Variants in RORA observed in about 807,000 individuals in gnomAD.
RORA encodes nuclear receptor ROR-alpha.
Under a neutral mutation model 69.5 loss-of-function variants are expected in RORA, and 7 were observed. That is an observed-to-expected ratio of 0.10 (90% CI 0.06 to 0.19). The LOEUF (loss-of-function observed/expected upper bound fraction) is 0.19, where lower values mean the gene tolerates loss of function less well. Among genes scored for constraint, RORA ranks in the 10% least tolerant of loss-of-function variants. RORA has a pLI of 1.00. For synonymous variants in RORA, 261 were observed against 240.8 expected, an observed-to-expected ratio of 1.08 and a Z score of -0.78; for missense variants, 457 against 663.0, an observed-to-expected ratio of 0.69 and a Z score of 3.41.
chr15:60,888,642 A>G (rs1037853970), intron 1 of RORA, among the ~76,000 whole-genome samples: 5 of 152,214 alleles, frequency 3.3e-5, no homozygotes, highest in African/African-American at 1.2e-4. Flanking sequence ...TTCTGGGCAC[A>G]GTGTGGCCGA....
At chr15:61,142,060 C>CT (rs892908983) in intron 1 of RORA, among the ~76,000 whole-genome samples, 109 of 151,968 alleles carry the variant, frequency 7.2e-4, no homozygotes, top group Non-Finnish European at 1.6e-4. Flanking sequence ...AGCAGTTACC[C>CT]TTTCACATTT....
intron 1 of RORA, among the ~76,000 whole-genome samples, chr15:61,045,219 A>C (rs1896964154): frequency 6.6e-6 from 1 of 152,104 alleles, no homozygotes; most frequent in Admixed American, 6.5e-5. Flanking sequence ...ATAGTGAATA[A>C]GTCTCACCAG....
intron 5 of RORA, among the ~76,000 whole-genome samples, chr15:60,508,934 G>T (rs2065602773): frequency 6.6e-6 from 1 of 152,190 alleles, no homozygotes; most frequent in Non-Finnish European, 1.5e-5. Flanking sequence ...AGCCAAGGAT[G>T]AAGTCATATT....
chr15:60,697,231 A>C (rs1009460231), intron 1 of RORA, among the ~76,000 whole-genome samples: 3 of 152,238 alleles, frequency 2.0e-5, no homozygotes, highest in East Asian at 3.8e-4. Flanking sequence ...GTAATTTCAC[A>C]TTACAAATGT....
rs567816021 is a variant in RORA at position 61,058,420 on chromosome 15, G to C, written c.166+170633C>G. Among the ~76,000 whole-genome samples the C allele has an allele frequency of 2.0e-4, 31 of 152,244 alleles. 1 individual carries two copies. The South Asian group carries it at 5.0e-3, about 24-fold the overall frequency. On this transcript the variant is annotated intron_variant, in intron 1 of 10. Transcript: ENST00000335670. ...ACATTAATCTTACTACAGGGTCCTG[G>C]ATAACTTTGAAGGAAGTCAGCTCAG...
chr15:60,972,467 A>C (rs1474365778), intron 1 of RORA, among the ~76,000 whole-genome samples: 1 of 152,230 alleles, frequency 6.6e-6, no homozygotes, highest in African/African-American at 2.4e-5. Context: ...GATGACACTG[A>C]AGCTTGGAAC....
At chr15:61,170,662 A>C (rs1194222886) in intron 1 of RORA, among the ~76,000 whole-genome samples, 1 of 152,186 alleles carries the variant, frequency 6.6e-6, no homozygotes, top group Non-Finnish European at 1.5e-5. Context: ...ATATATGTGT[A>C]TTTTTCAGCA....
At chr15:60,756,226 C>A (rs1007652443) in intron 1 of RORA, among the ~76,000 whole-genome samples, 2 of 152,242 alleles carry the variant, frequency 1.3e-5, no homozygotes, top group Non-Finnish European at 2.9e-5. Context: ...AGTTTGGCAT[C>A]ACCTACCTGT....
intron 2 of RORA, among the ~76,000 whole-genome samples, chr15:60,643,849 T>C (rs2140680561): frequency 6.6e-6 from 1 of 152,338 alleles, no homozygotes; most frequent in African/African-American, 2.4e-5. Context: ...AATCATTTGC[T>C]GGCTGTTCTA....
intron 1 of RORA, among the ~76,000 whole-genome samples, chr15:61,144,825 G>T (rs1218068015): frequency 6.6e-6 from 1 of 152,156 alleles, no homozygotes; most frequent in Non-Finnish European, 1.5e-5. Flanking sequence ...TCCAAAGTAT[G>T]CACTAAAGTT....
At chr15:61,103,004 AG>A (rs2078902110) in intron 1 of RORA, among the ~76,000 whole-genome samples, 1 of 152,218 alleles carries the variant, frequency 6.6e-6, no homozygotes. Context: ...AAAATTATTG[AG>A]TGCCTACTAT....
At chr15:60,581,727 C>T (rs1366190913) in intron 2 of RORA, among the ~76,000 whole-genome samples, 1 of 152,228 alleles carries the variant, frequency 6.6e-6, no homozygotes, top group Non-Finnish European at 1.5e-5. Context: ...GCTTACATCA[C>T]ACCATGCTGG....
At chr15:60,740,156 G>A (rs2071556633) in intron 1 of RORA, among the ~76,000 whole-genome samples, 1 of 151,922 alleles carries the variant, frequency 6.6e-6, no homozygotes, top group East Asian at 1.9e-4. Flanking sequence ...TCAGTCCATG[G>A]CAACAAAGGC....
Position 60,942,880 on chromosome 15 carries a change from G to T in RORA, c.167-264194C>A, listed in dbSNP as rs1273792569. 2.0e-5 allele frequency among the ~76,000 whole-genome samples: 3 copies of T among 152,188 alleles called. No homozygotes were observed. In the East Asian group the frequency reaches 5.8e-4, roughly 29 times the overall value. ...GGCCTTTGCTGGCCTTACACATTCT[G>T]GAACAAATAAAGCTAACAATATTAT... is the stretch of plus-strand genomic sequence containing the variant. On this transcript the variant is annotated intron_variant, in intron 1 of 10. Transcript: ENST00000335670.
intron 1 of RORA, among the ~76,000 whole-genome samples, chr15:60,979,439 C>G (rs1167455763): frequency 1.3e-5 from 2 of 151,964 alleles, no homozygotes; most frequent in East Asian, 3.8e-4. Flanking sequence ...GTATATCAAT[C>G]AGGGGAGTAT....
At chr15:60,712,660 G>T (rs2071160509) in intron 1 of RORA, among the ~76,000 whole-genome samples, 1 of 152,162 alleles carries the variant, frequency 6.6e-6, no homozygotes, top group Non-Finnish European at 1.5e-5. Flanking sequence ...TGTTCCCGAG[G>T]CCAGAAGACA....
At chr15:60,586,665 A>G (rs2068345333) in intron 2 of RORA, among the ~76,000 whole-genome samples, 1 of 152,192 alleles carries the variant, frequency 6.6e-6, no homozygotes, top group Non-Finnish European at 1.5e-5. Context: ...ACCTTTAAAG[A>G]TAGTGAGTTC....
chr15:61,060,009 A>G (rs867758509), intron 1 of RORA, among the ~76,000 whole-genome samples: 100 of 134,980 alleles, frequency 7.4e-4, no homozygotes, highest in East Asian at 4.4e-3. Context: ...AAGAAGAAGA[A>G]GAAGAAGAAG....
chr15:61,116,715 T>A (rs2079054645), intron 1 of RORA, among the ~76,000 whole-genome samples: 1 of 152,178 alleles, frequency 6.6e-6, no homozygotes, highest in Admixed American at 6.5e-5. Context: ...GCTGGGTGAG[T>A]TCTGTTCCTG....
Sources: gnomAD v4.1 joint callset for allele counts (sites outside exome capture counted in the v4.1 genomes callset) on GRCh38, gnomAD v4.1.1 for gene constraint, MANE v1.5 for transcripts, NCBI Gene and HGNC (gene_info 2026-07-23, HGNC 2026-07-21) for gene names.